MYO5B: variants seen among roughly 807,000 people sequenced by gnomAD.
MYO5B encodes unconventional myosin-Vb.
Under a neutral mutation model 229.3 loss-of-function variants are expected in MYO5B, and 143 were observed. The observed-to-expected ratio is 0.62, with a 90% CI of 0.54 to 0.72. The LOEUF (loss-of-function observed/expected upper bound fraction) is 0.72, where lower values mean the gene tolerates loss of function less well. Ranked by LOEUF, MYO5B falls within the 30% of genes least tolerant of loss-of-function variation. The probability of loss-of-function intolerance (pLI) is 0.00; values close to 1 mark genes in which losing one functional copy is unlikely to be tolerated. For missense variants in MYO5B, 2,321 were observed against 2,331.0 expected (o/e 1.00, Z 0.09); for synonymous variants, 918 against 885.2 (o/e 1.04, Z -0.66).
intron 30 of MYO5B, among the ~76,000 whole-genome samples, chr18:49,855,166 T>A (rs767608974): frequency 3.9e-5 from 6 of 152,172 alleles, no homozygotes; most frequent in Non-Finnish European, 7.3e-5. Context: ...GAACAGACAC[T>A]CTTGGGTTCT....
intron 27 of MYO5B, among the ~76,000 whole-genome samples, chr18:49,866,213 C>T (rs1052629419): frequency 3.6e-4 from 55 of 151,972 alleles, no homozygotes; most frequent in African/African-American, 1.2e-3. Context: ...GGACTACAGG[C>T]GCCCACCACC....
At chr18:49,991,782 C>T (rs139836680) in intron 6 of MYO5B, among the ~76,000 whole-genome samples, 1 of 152,114 alleles carries the variant, frequency 6.6e-6, no homozygotes, top group African/African-American at 2.4e-5. Flanking sequence ...ATGTAACAAA[C>T]CTGCACGTTC....
chr18:50,099,131 C>A (rs2031608416), intron 1 of MYO5B: 1 of 152,240 alleles, frequency 6.6e-6, no homozygotes, highest in African/African-American at 2.4e-5. Context: ...AATCCGCATC[C>A]AAGCTTGTCT....
chr18:49,994,154 A>G (rs914324073), intron 5 of MYO5B, among the ~76,000 whole-genome samples: 4 of 151,942 alleles, frequency 2.6e-5, no homozygotes, highest in African/African-American at 9.7e-5. Flanking sequence ...AGACTAGGGG[A>G]GCACCTCCTG....
intron 31 of MYO5B, chr18:49,850,049 T>C: frequency 2.9e-6 from 1 of 342,188 alleles, no homozygotes; most frequent in East Asian, 7.5e-5. Context: ...GGTGTGAGAA[T>C]GCAGGGGGCA....
intron 4 of MYO5B, among the ~76,000 whole-genome samples, chr18:50,010,158 T>G (rs1360688057): frequency 6.6e-6 from 1 of 152,232 alleles, no homozygotes; most frequent in African/African-American, 2.4e-5. Flanking sequence ...CTTCTGATAG[T>G]GTAAGAGATA....
rs984226817 is a variant in MYO5B, at chr18:49,980,588, T to C, written c.947-35A>G. 8 of 1,456,510 alleles carry C rather than the reference T, an allele frequency of 5.5e-6. No individual in the cohort carries two copies. In the African/African-American group the frequency reaches 1.1e-4, roughly 20 times the overall value. The allele number at this position is 1,456,510 out of a possible 1,614,324, so 90.2% of individuals were successfully genotyped here. On this transcript the variant is annotated intron_variant, in intron 8 of 39. Coordinates refer to ENST00000285039, the MANE Select transcript of MYO5B (RefSeq NM_001080467.3). ...AAAAATGAATGGATGACACTCAGTA[T>C]CCATGGTCGGACAGAAAGGACATTT...
intron 1 of MYO5B, among the ~76,000 whole-genome samples, chr18:50,176,912 T>A (rs1627326): frequency 0.014 from 2,063 of 152,322 alleles, 24 homozygotes; most frequent in Non-Finnish European, 0.019. Context: ...TTCTTGCCTG[T>A]GTATTTATGG....
chr18:50,124,308 T>C (rs2144536310), intron 1 of MYO5B, among the ~76,000 whole-genome samples: 1 of 152,340 alleles, frequency 6.6e-6, no homozygotes, highest in South Asian at 2.1e-4. Flanking sequence ...CAATACACAG[T>C]GCAAAACATT....
At chr18:49,953,230 G>T in intron 14 of MYO5B, 30 bp downstream of exon 14, 1 of 1,596,772 alleles carries the variant, frequency 6.3e-7, no homozygotes, top group South Asian at 1.1e-5. Flanking sequence ...GGGCATTCCT[G>T]CTCCACTCCC....
chr18:50,135,316 A>G (rs2144277492), intron 1 of MYO5B, among the ~76,000 whole-genome samples: 1 of 152,364 alleles, frequency 6.6e-6, no homozygotes, highest in Admixed American at 6.5e-5. Context: ...AGGCGAGTCC[A>G]GAAGACTCAA....
intron 22 of MYO5B, among the ~76,000 whole-genome samples, chr18:49,882,489 G>A (rs1321923130): frequency 1.3e-4 from 20 of 151,890 alleles, no homozygotes; most frequent in Middle Eastern, 3.4e-3. Flanking sequence ...TTAGTTGGGC[G>A]TGGTGGTGCG....
intron 29 of MYO5B, among the ~76,000 whole-genome samples, chr18:49,858,158 G>C (rs2024285235): frequency 6.6e-6 from 1 of 152,244 alleles, no homozygotes; most frequent in Non-Finnish European, 1.5e-5. Flanking sequence ...GGCCACGATA[G>C]GAAGTGGGGG....
chr18:50,033,899 C>T (rs556737603), intron 4 of MYO5B, among the ~76,000 whole-genome samples: 10 of 151,392 alleles, frequency 6.6e-5, no homozygotes, highest in Non-Finnish European at 1.3e-4. Flanking sequence ...TAGCAGTTCT[C>T]TCCTGGAACT....
intron 2 of MYO5B, among the ~76,000 whole-genome samples, chr18:50,041,483 C>T (rs1226791353): frequency 6.6e-6 from 1 of 151,804 alleles, no homozygotes; most frequent in Non-Finnish European, 1.5e-5. Flanking sequence ...GTAGTAGATA[C>T]AGAAAGAAAC....
At chr18:50,001,677 C>T (rs547136262) in intron 4 of MYO5B, among the ~76,000 whole-genome samples, 23 of 152,282 alleles carry the variant, frequency 1.5e-4, no homozygotes, top group African/African-American at 4.6e-4. Flanking sequence ...GCCACTCTCC[C>T]GAGTTCCCAC....
At chr18:50,003,020 A>T (rs572408776) in intron 4 of MYO5B, among the ~76,000 whole-genome samples, 1 of 152,242 alleles carries the variant, frequency 6.6e-6, no homozygotes, top group Middle Eastern at 3.4e-3. Context: ...TAACAGCTGG[A>T]AACATGGTGA....
At position 50,055,530 on chromosome 18, in the gene MYO5B, C is replaced by T. The variant is rs374808852; in HGVS notation, c.28-152G>A. 1.4e-3 allele frequency: 954 copies of T among 683,444 alleles called. 13 individuals carry two copies. Among genetic ancestry groups the T allele is most frequent in the South Asian group, 0.013 (794 of 59,480 alleles). The allele number at this position is 683,444 out of a possible 1,614,324, so 42.3% of individuals were successfully genotyped here. On this transcript the variant is annotated intron_variant, in intron 1 of 39. Transcript: ENST00000285039. The stretch of plus-strand genomic sequence containing the variant: ...TCTCATTTCAGGACACAACGTGATC[C>T]GATATCATGATAACAGGGGAACAAC...
chr18:49,913,458 A>T (rs1395012953), intron 17 of MYO5B, among the ~76,000 whole-genome samples: 3 of 152,160 alleles, frequency 2.0e-5, no homozygotes, highest in African/African-American at 7.2e-5. Context: ...TTCACTCTAC[A>T]TCCCTCTGAA....
Sources: allele counts gnomAD v4.1 joint callset (sites outside exome capture counted in the v4.1 genomes callset), GRCh38; gene constraint gnomAD v4.1.1; transcripts MANE v1.5; gene names NCBI Gene and HGNC (gene_info 2026-07-23, HGNC 2026-07-21).